The following BRCA1 variants were observed in gnomAD, a reference collection of about 807,000 sequenced individuals.
The protein encoded by BRCA1 is breast cancer type 1 susceptibility protein.
A neutral mutation model predicts 173.7 loss-of-function variants in BRCA1; 140 were observed. The observed-to-expected ratio is 0.81, with a 90% confidence interval of 0.70 to 0.93. BRCA1 has a LOEUF of 0.93. BRCA1 is among the 40% of genes least tolerant of loss of function. The pLI, the probability that BRCA1 is intolerant of heterozygous loss-of-function variation, is 0.00. For missense variants in BRCA1, 1,983 were observed against 2,172.5 expected, an observed-to-expected ratio of 0.91 and a Z score of 1.73; for synonymous variants, 662 against 756.0, an observed-to-expected ratio of 0.88 and a Z score of 2.04.
At position 43,093,018 on chromosome 17, in the gene BRCA1, T is replaced by G. The variant is rs564375670; in HGVS notation, c.2513A>C (p.Asn838Thr). ...TTCTATGCTTGTTTCCCGACTGTGG[T>G]TAACTTCATGTCCCAATGGATACTT... ...GFKYPLGHEV[N>T]HSRETSIEME... Residue 838 changes from asparagine (N) to threonine (T), a missense_variant, in exon 10 of 23, where the codon AAC (asparagine) becomes ACC (threonine). Physicochemically the swap from Asn to Thr is moderately conservative, Grantham distance 65 (BLOSUM62 0). Coordinates refer to ENST00000357654, the MANE Select transcript of BRCA1 (RefSeq NM_007294.4). 1 of 1,613,970 alleles carries G rather than the reference T, an allele frequency of 6.2e-7. No homozygotes were observed. Among genetic ancestry groups the G allele is most frequent in the African/African-American group, 1.3e-5 (1 of 75,064 alleles).
intron 7 of BRCA1, 24 bp downstream of exon 7, chr17:43,099,751 A>T (rs80358130): frequency 6.5e-7 from 1 of 1,549,064 alleles, no homozygotes; most frequent in Non-Finnish European, 8.9e-7. Context: ...ATTATTAAAT[A>T]CTTAAAAAAC....
rs1442003131 is a variant in BRCA1 at position 43,094,253 on chromosome 17, T to G, written c.1278A>C (p.Ser426=). Residue 426 remains serine (S), a synonymous_variant, in exon 10 of 23, where the codon TCA becomes TCC. Coordinates refer to ENST00000357654, the MANE Select transcript of BRCA1 (RefSeq NM_007294.4). ...CACTGGCCAGTAAGTCTATTTTCTC[T>G]GAAGAACCAGAATATTCATCTACCT... The part of the protein sequence containing the change: ...LNEVDEYSGS[S]EKIDLLASDP... The G allele has an allele frequency of 6.2e-7, 1 of 1,614,156 alleles. No individual in the cohort carries two copies. Among genetic ancestry groups the G allele is most frequent in the East Asian group, 2.2e-5 (1 of 44,878 alleles).
intron 12 of BRCA1, among the ~76,000 whole-genome samples, chr17:43,080,782 G>A (rs2052970481): frequency 6.6e-6 from 1 of 152,028 alleles, no homozygotes; most frequent in South Asian, 2.1e-4. Context: ...CTCCAGCTTG[G>A]GCAACAGAGC....
chr17:43,169,888 C>T, intron 1 of BRCA1: 1 of 414,190 alleles, frequency 2.4e-6, no homozygotes. Flanking sequence ...TTCCCCCCCT[C>T]TACACTGCAG....
At chr17:43,115,182 T>C (rs1377646210) in intron 3 of BRCA1, among the ~76,000 whole-genome samples, 2 of 152,174 alleles carry the variant, frequency 1.3e-5, no homozygotes, top group Non-Finnish European at 2.9e-5. Context: ...TACAAAACAC[T>C]GTTCAAAATG....
rs145758886 is a variant in BRCA1, at chr17:43,049,156, C to A, written c.5371G>T (p.Val1791Leu). The A allele has an allele frequency of 1.2e-6, 2 of 1,614,178 alleles. No individual in the cohort carries two copies. The highest frequency in any genetic ancestry group is 1.7e-6 in the Non-Finnish European group (2 of 1,180,022). The change falls in exon 21 of 23, where the codon GTG becomes TTG. Residue 1791 changes from valine to leucine, a missense_variant. Val to Leu is a conservative substitution (Grantham distance 32). Coordinates refer to ENST00000357654, the MANE Select transcript of BRCA1 (RefSeq NM_007294.4). Reference protein sequence around the residue: ...EWMVQLCGASVVKELSSFTLG... With the variant: ...EWMVQLCGASLVKELSSFTLG... ...GTGAATGATGAAAGCTCCTTCACCA[C>A]AGAAGCACCACACAGCTGTACCATC...
chr17:43,170,237 C>T (rs2056319990), exon 1 of BRCA1: 1 of 181,196 alleles, frequency 5.5e-6, no homozygotes, highest in Non-Finnish European at 1.2e-5. Context: ...TCTGTAATTC[C>T]CACGCTTTAC....
rs273901768 is a variant in BRCA1, at chr17:43,047,724, G to C, written c.5407-21C>G. 5.6e-6 allele frequency: 9 copies of C among 1,613,840 alleles called. No individual in the cohort carries two copies. The highest frequency in any genetic ancestry group is 1.3e-5 in the African/African-American group (1 of 75,050). On this transcript the variant is annotated intron_variant, in intron 21 of 22. Transcript: ENST00000357654. ...ACACCCTGGATCCCCAGGAAGGAAAGAGCATTCAAAGTGTCAAAGTAGGAC... is the reference window on the plus strand; with the variant it reads ...ACACCCTGGATCCCCAGGAAGGAAACAGCATTCAAAGTGTCAAAGTAGGAC...
chr17:43,103,130 C>A (rs180891080), intron 6 of BRCA1, among the ~76,000 whole-genome samples: 52 of 152,234 alleles, frequency 3.4e-4, no homozygotes, highest in African/African-American at 1.3e-3. Context: ...AGATAAGCAT[C>A]ACAGAGCAGA....
intron 1 of BRCA1, chr17:43,166,546 T>G (rs1369298357): frequency 2.0e-5 from 3 of 152,206 alleles, no homozygotes; most frequent in African/African-American, 7.2e-5. Context: ...CCTCAGATTC[T>G]TTTTTGAAAT....
chr17:43,062,421 TCAA>T (rs545169555), intron 18 of BRCA1, among the ~76,000 whole-genome samples: 68 of 152,266 alleles, frequency 4.5e-4, no homozygotes, highest in Non-Finnish European at 5.9e-5. Context: ...GAGCTTTTCT[TCAA>T]CAACAGTGAA....
intron 16 of BRCA1, chr17:43,067,401 C>A: frequency 2.3e-6 from 1 of 442,656 alleles, no homozygotes. Flanking sequence ...ACTACAGGCG[C>A]ACGCGACCAC....
rs80357356 is a variant in BRCA1 at position 43,091,867 on chromosome 17, C to A, written c.3664G>T (p.Glu1222Ter). The A allele has an allele frequency of 1.2e-6, 2 of 1,614,158 alleles. No individual in the cohort carries two copies. The highest frequency in any genetic ancestry group is 1.7e-6 in the Non-Finnish European group (2 of 1,180,040). Residue 1222 changes from glutamate to a stop codon, truncating the protein, a stop_gained, in exon 10 of 23, where the codon GAG becomes TAG. Coordinates refer to ENST00000357654, the MANE Select transcript of BRCA1 (RefSeq NM_007294.4). LOFTEE classifies it high-confidence loss of function. ...AACAAGTGTTGGAAGCAGGGAAGCT[C>A]TTCATCCTCACTAGATAAGTTCTCT... ...SEENLSSEDE[E>*]LPCFQHLLFG...
At chr17:43,100,653 A>G (rs2054392493) in intron 6 of BRCA1, among the ~76,000 whole-genome samples, 6 of 43,164 alleles carry the variant, frequency 1.4e-4, no homozygotes, top group East Asian at 8.0e-4. Flanking sequence ...TAACATATAT[A>G]TAACATATAT....
At chr17:43,163,528 A>G (rs1390967958) in intron 1 of BRCA1, 2 of 152,362 alleles carry the variant, frequency 1.3e-5, no homozygotes, top group South Asian at 2.1e-4. Context: ...TGGGACTCCA[A>G]TTGCATCTAA....
rs778668665 is a variant in BRCA1, at chr17:43,104,266, A to T, written c.302-5T>A. The T allele has an allele frequency of 1.2e-5, 19 of 1,608,662 alleles. No individual in the cohort carries two copies. In the South Asian group the frequency reaches 2.0e-4, roughly 17 times the overall value. ...CAAAATTATAGCTGTTTGCATCTGT[A>T]AAATACAAGGGAAAACATTATGTTT... On this transcript the variant is annotated splice_polypyrimidine_tract_variant and splice_region_variant and intron_variant, in intron 5 of 22. Coordinates refer to ENST00000357654, the MANE Select transcript of BRCA1 (RefSeq NM_007294.4).
chr17:43,100,671 TATATATA>T (rs1268590433), intron 6 of BRCA1, among the ~76,000 whole-genome samples: 1 of 25,972 alleles, frequency 3.9e-5, no homozygotes, highest in African/African-American at 3.5e-4. Context: ...TATATATATA[TATATATA>T]ATATATATAT....
chr17:43,135,799 A>G (rs1022752521), intron 1 of BRCA1, among the ~76,000 whole-genome samples: 2 of 152,170 alleles, frequency 1.3e-5, no homozygotes, highest in Non-Finnish European at 2.9e-5. Flanking sequence ...CCTCCAGGAC[A>G]TCAGAGCCAG....
At chr17:43,055,711 G>A (rs1259019914) in intron 19 of BRCA1, among the ~76,000 whole-genome samples, 4 of 152,184 alleles carry the variant, frequency 2.6e-5, no homozygotes, top group African/African-American at 2.4e-5. Flanking sequence ...ACTTGAACCT[G>A]GGAGCTGGAG....
Sources: gnomAD v4.1 joint callset for allele counts (sites outside exome capture counted in the v4.1 genomes callset) on GRCh38, gnomAD v4.1.1 for gene constraint, MANE v1.5 for transcripts, NCBI Gene and HGNC (gene_info 2026-07-23, HGNC 2026-07-21) for gene names.